Variants in NRXN1 observed in about 807,000 individuals in gnomAD.
The protein encoded by NRXN1 is neurexin 1.
NRXN1 carries 39 observed loss-of-function variants against 150.9 expected under a neutral mutation model. That is an observed-to-expected ratio of 0.26 (90% confidence interval 0.20 to 0.34). The LOEUF is 0.34. Among genes scored for constraint, NRXN1 ranks in the 10% least tolerant of loss-of-function variants. The pLI is 1.00. For missense variants in NRXN1, 1,815 were observed against 1,949.9 expected (o/e 0.93, Z 1.30); for synonymous variants, 924 against 757.0 (o/e 1.22, Z -3.62).
At chr2:50,525,735 A>G (rs1403310074) in intron 12 of NRXN1, among the ~76,000 whole-genome samples, 6 of 152,230 alleles carry the variant, frequency 3.9e-5, no homozygotes, top group African/African-American at 1.4e-4. Context: ...TCTATAGCTG[A>G]AAATAAGCTT....
At chr2:50,331,376 T>G (rs750207331) in intron 17 of NRXN1, among the ~76,000 whole-genome samples, 4 of 152,128 alleles carry the variant, frequency 2.6e-5, no homozygotes, top group Admixed American at 1.3e-4. Flanking sequence ...AGAGTGTTTT[T>G]ATGGAAGGAC....
At chr2:50,305,538 C>T (rs2074537083) in intron 17 of NRXN1, among the ~76,000 whole-genome samples, 1 of 152,068 alleles carries the variant, frequency 6.6e-6, no homozygotes, top group Admixed American at 6.6e-5. Flanking sequence ...CAATTTCAGG[C>T]CAATGGATTC....
chr2:50,887,482 G>C (rs186535638), intron 5 of NRXN1, among the ~76,000 whole-genome samples: 1 of 151,576 alleles, frequency 6.6e-6, no homozygotes, highest in African/African-American at 2.4e-5. Context: ...ATTTCTCAGA[G>C]TGGGAAAGAA....
chr2:50,506,161 A>C (rs149224831), intron 13 of NRXN1, among the ~76,000 whole-genome samples: 25 of 152,284 alleles, frequency 1.6e-4, no homozygotes, highest in African/African-American at 5.8e-4. Flanking sequence ...AATATATACA[A>C]AACAAAGAAA....
At chr2:50,571,873 C>T (rs1670721953) in intron 8 of NRXN1, among the ~76,000 whole-genome samples, 1 of 152,108 alleles carries the variant, frequency 6.6e-6, no homozygotes, top group Non-Finnish European at 1.5e-5. Context: ...CCCAACAGAG[C>T]TGAACCTAAG....
intron 19 of NRXN1, among the ~76,000 whole-genome samples, chr2:50,073,744 TA>T (rs948011999): frequency 9.5e-4 from 144 of 151,158 alleles, no homozygotes; most frequent in African/African-American, 3.1e-3. Flanking sequence ...AAATTGAGAA[TA>T]AAAAAAAAGC....
At chr2:50,900,330 G>A (rs919990266) in intron 5 of NRXN1, among the ~76,000 whole-genome samples, 1 of 152,124 alleles carries the variant, frequency 6.6e-6, no homozygotes, top group African/African-American at 2.4e-5. Flanking sequence ...CTCTCCAGTG[G>A]AAGGGTAAGT....
chr2:50,554,958 A>G (rs1383872865), intron 8 of NRXN1, among the ~76,000 whole-genome samples: 2 of 152,200 alleles, frequency 1.3e-5, no homozygotes, highest in Non-Finnish European at 2.9e-5. Flanking sequence ...TCTTAAGAAT[A>G]CTTTTTTGAA....
chr2:50,721,058 A>G (rs1056079473), intron 5 of NRXN1, among the ~76,000 whole-genome samples: 7 of 152,172 alleles, frequency 4.6e-5, no homozygotes, highest in Admixed American at 3.3e-4. Flanking sequence ...ATCCTGGAGC[A>G]CTCAGAAGGC....
In NRXN1 at chr2:50,479,831, T is replaced by C. The variant is rs1445287643; in HGVS notation, c.3071-7360A>G. On this transcript the variant is annotated intron_variant, in intron 15 of 22. Coordinates refer to ENST00000401669, the MANE Select transcript of NRXN1 (RefSeq NM_001330078.2). ...CTCCGTTGCCCAGGCTGGAGTGCAG[T>C]GGCACAATCTTGGCTCACTGCAACC... 3.0e-5 allele frequency among the ~76,000 whole-genome samples: 4 copies of C among 131,654 alleles called. No individual in the cohort carries two copies. The East Asian group carries it at 9.8e-4, about 32-fold the overall frequency. The allele number at this position is 131,654 out of a possible 152,430, so 86.4% of individuals were successfully genotyped here.
intron 17 of NRXN1, among the ~76,000 whole-genome samples, chr2:50,310,809 G>A (rs2075112207): frequency 6.6e-6 from 1 of 152,056 alleles, no homozygotes; most frequent in Non-Finnish European, 1.5e-5. Context: ...AAATATTCGT[G>A]AAGACGAGAT....
chr2:50,218,007 GT>G (rs1301705892), intron 18 of NRXN1, among the ~76,000 whole-genome samples: 1 of 151,836 alleles, frequency 6.6e-6, no homozygotes, highest in Non-Finnish European at 1.5e-5. Flanking sequence ...GTTTTCTTCT[GT>G]TTGGCACACT....
At chr2:50,503,573 A>ATT (rs1359354076) in intron 13 of NRXN1, among the ~76,000 whole-genome samples, 4 of 151,730 alleles carry the variant, frequency 2.6e-5, no homozygotes, top group African/African-American at 9.7e-5. Context: ...GAAAAATTAA[A>ATT]AAAAAAATAG....
At chr2:50,083,627 C>A (rs1558840051) in intron 19 of NRXN1, among the ~76,000 whole-genome samples, 1 of 152,158 alleles carries the variant, frequency 6.6e-6, no homozygotes, top group Non-Finnish European at 1.5e-5. Flanking sequence ...GCTCGGGCAG[C>A]CTGCTTTTAT....
At chr2:50,341,017 C>A (rs1029289126) in intron 17 of NRXN1, among the ~76,000 whole-genome samples, 1 of 152,154 alleles carries the variant, frequency 6.6e-6, no homozygotes, top group African/African-American at 2.4e-5. Flanking sequence ...TTTGGTCATA[C>A]AGTATACAGG....
intron 5 of NRXN1, among the ~76,000 whole-genome samples, chr2:50,672,499 C>G (rs552025381): frequency 6.6e-6 from 1 of 151,910 alleles, no homozygotes; most frequent in African/African-American, 2.4e-5. Flanking sequence ...GGTTAAATCC[C>G]TAGGGAAGCA....
rs1553775804 is a variant in NRXN1 at position 50,551,074 on chromosome 2, A to AGAAGAAGAG, written c.1759+1512_1759+1513insCTCTTCTTC. 8.1e-5 allele frequency among the ~76,000 whole-genome samples: 9 copies of AGAAGAAGAG among 110,778 alleles called. No individual in the cohort carries two copies. In the South Asian group the frequency reaches 2.5e-3, roughly 31 times the overall value. 72.7% of individuals were successfully genotyped at this position (110,778 alleles called of 152,430 possible). ...AGGAAGAAGAAGAAGAAGAAGAAGA[A>AGAAGAAGAG]GAGGAGGAGGAGGAGGAGGAGGAGG... On this transcript the variant is annotated intron_variant, in intron 9 of 22. Coordinates refer to ENST00000401669, the MANE Select transcript of NRXN1 (RefSeq NM_001330078.2).
intron 5 of NRXN1, among the ~76,000 whole-genome samples, chr2:50,641,973 C>A (rs1247060855): frequency 6.6e-6 from 1 of 152,012 alleles, no homozygotes; most frequent in Non-Finnish European, 1.5e-5. Context: ...TGTATGAAAT[C>A]CTAGAGATTT....
intron 5 of NRXN1, among the ~76,000 whole-genome samples, chr2:50,846,176 G>A (rs1032003955): frequency 6.6e-6 from 1 of 152,170 alleles, no homozygotes; most frequent in African/African-American, 2.4e-5. Context: ...AACCACGGGT[G>A]ACCTTCATAC....
Sources: gnomAD v4.1 joint callset for allele counts (sites outside exome capture counted in the v4.1 genomes callset) on GRCh38, gnomAD v4.1.1 for gene constraint, MANE v1.5 for transcripts, NCBI Gene and HGNC (gene_info 2026-07-23, HGNC 2026-07-21) for gene names.